The following ZNF28 variants were observed in gnomAD, a reference collection of about 807,000 sequenced individuals.
ZNF28 encodes zinc finger protein 28, also known as zinc finger protein KOX24.
ZNF28 carries 5 observed loss-of-function variants against 7.2 expected under a neutral mutation model. The observed-to-expected ratio is 0.70, with a 90% CI of 0.36 to 1.46. ZNF28 has a LOEUF of 1.46. Ranked by LOEUF, ZNF28 falls within the 40% of genes most tolerant of loss-of-function variation. The pLI is 0.03. For missense variants in ZNF28, 879 were observed against 866.6 expected (o/e 1.01, Z -0.18); for synonymous variants, 288 against 292.4 (o/e 0.99, Z 0.15).
chr19:52,805,972 C>T (rs539702575), intron 3 of ZNF28: 1 of 152,136 alleles, frequency 6.6e-6, no homozygotes, highest in South Asian at 2.1e-4. Context: ...AACAGCAAAA[C>T]TCAGTCTCAT....
chr19:52,813,249 G>GGAAAAAAAAAAA (rs1229458898), intron 2 of ZNF28, among the ~76,000 whole-genome samples: 18 of 62,988 alleles, frequency 2.9e-4, no homozygotes, highest in Admixed American at 7.1e-4. Context: ...CTTGAATGGT[G>GGAAAAAAAAAAA]AAAAAAAAAA....
chr19:52,801,424 C>G lies in ZNF28; in HGVS notation c.421G>C (p.Gly141Arg), dbSNP rs1417354087. The G allele has an allele frequency of 1.2e-6, 2 of 1,614,168 alleles. No homozygotes were observed. Among genetic ancestry groups the G allele is most frequent in the South Asian group, 2.2e-5 (2 of 91,080 alleles). ...AGNKHIKDQL[G>R]LSFHSHLPEL... ...GGCAGATGCGAATGAAAGCTTAATCCAAGCTGATCTTTAATATGCTTGTTT... is the reference window on the plus strand; with the variant it reads ...GGCAGATGCGAATGAAAGCTTAATCGAAGCTGATCTTTAATATGCTTGTTT... The change falls in exon 4 of 4, where the codon GGA becomes CGA. Residue 141 changes from glycine to arginine, a missense_variant. By Grantham distance (125) the Gly-to-Arg change is moderately radical. Coordinates refer to ENST00000457749, the MANE Select transcript of ZNF28 (RefSeq NM_006969.5).
At chr19:52,814,851 C>T (rs1009950361) in intron 2 of ZNF28, among the ~76,000 whole-genome samples, 2 of 146,572 alleles carry the variant, frequency 1.4e-5, no homozygotes, top group South Asian at 2.3e-4. Flanking sequence ...CACACCACTG[C>T]GCTCCAGCCT....
intron 2 of ZNF28, among the ~76,000 whole-genome samples, chr19:52,817,729 C>G (rs796142971): frequency 3.3e-4 from 51 of 152,254 alleles, no homozygotes; most frequent in African/African-American, 1.2e-3. Flanking sequence ...GAGACCTTCC[C>G]AGGACCATGC....
At chr19:52,813,271 A>AAAAAAAAAAAAAAAAAAAAAT (rs1309681672) in intron 2 of ZNF28, among the ~76,000 whole-genome samples, 1 of 147,508 alleles carries the variant, frequency 6.8e-6, no homozygotes, top group Non-Finnish European at 1.5e-5. Context: ...AAAAAAAAAA[A>AAAAAAAAAAAAAAAAAAAAAT]GACATACTGT....
Position 52,799,904 on chromosome 19 carries a change from C to T in ZNF28, c.1941G>A (p.Met647Ile), listed in dbSNP as rs2062839662. The T allele has an allele frequency of 1.2e-6, 2 of 1,613,294 alleles. No homozygotes were observed. The highest frequency in any genetic ancestry group is 2.7e-5 in the African/African-American group (2 of 74,770). The change falls in exon 4 of 4, where the codon ATG (methionine) becomes ATA (isoleucine). Residue 647 changes from methionine (M) to isoleucine (I), a missense_variant. Physicochemically the swap from Met to Ile is conservative, Grantham distance 10. Transcript: ENST00000457749. ...GCCTATGATGGTATACGAGGGATGA[C>T]ATCTGACTGAAGGTCTTGCCACACT... ...CNECGKTFSQ[M>I]SSLVYHHRLH...
In ZNF28 at chr19:52,802,676, C is replaced by CA. The variant is rs1346898434; in HGVS notation, c.143-975dup. ...TGGATGACAGAGTGAGACTCCATCT[C>CA]AAAAAAAGGAAAATGTTAATACCAT... is the stretch of plus-strand genomic sequence containing the variant. On this transcript the variant is annotated intron_variant, in intron 3 of 3. Transcript: ENST00000457749. Among the ~76,000 whole-genome samples the CA allele has an allele frequency of 2.0e-5, 3 of 150,296 alleles. No individual in the cohort carries two copies. In the East Asian group the frequency reaches 5.9e-4, roughly 29 times the overall value.
chr19:52,821,132 G>A lies in ZNF28; in HGVS notation c.-74+454C>T, dbSNP rs187125917. Among the ~76,000 whole-genome samples, 16 of 152,228 alleles carry A rather than the reference G, an allele frequency of 1.1e-4. No homozygotes were observed. The East Asian group carries it at 2.9e-3, about 28-fold the overall frequency. ...AGGGCCCAGCAAGAGGAGGAGGGAGGTGGGGAGCGACGACGCCTTCGGACA... is the reference window on the plus strand; with the variant it reads ...AGGGCCCAGCAAGAGGAGGAGGGAGATGGGGAGCGACGACGCCTTCGGACA... On this transcript the variant is annotated intron_variant, in intron 1 of 3. Coordinates refer to ENST00000457749, the MANE Select transcript of ZNF28 (RefSeq NM_006969.5).
At chr19:52,820,983 G>C (rs12985688) in intron 1 of ZNF28, among the ~76,000 whole-genome samples, 1 of 151,626 alleles carries the variant, frequency 6.6e-6, no homozygotes, top group Non-Finnish European at 1.5e-5. Context: ...TCGGAGAAGC[G>C]CATTTTCCCA....
At chr19:52,814,947 T>C (rs2063102921) in intron 2 of ZNF28, among the ~76,000 whole-genome samples, 2 of 146,002 alleles carry the variant, frequency 1.4e-5, no homozygotes, top group South Asian at 4.6e-4. Flanking sequence ...TTTTTGCATA[T>C]ATATGCCCCA....
chr19:52,809,111 A>AT (rs2062977281), intron 2 of ZNF28, among the ~76,000 whole-genome samples: 1 of 152,214 alleles, frequency 6.6e-6, no homozygotes, highest in Admixed American at 6.5e-5. Context: ...GAGGAATCTC[A>AT]TCTTGCTGGA....
rs561203089 is a variant in ZNF28 at position 52,818,885 on chromosome 19, G to GA, written c.-73-855dup. On this transcript the variant is annotated intron_variant, in intron 1 of 3. Transcript: ENST00000457749. ...GAGGACAGAATGAGAGTCTGTTTGG[G>GA]AAAAAAAAAAAAAAAAAAAGTGCAT... 1.1e-3 allele frequency among the ~76,000 whole-genome samples: 130 copies of GA among 114,310 alleles called. 3 individuals are homozygous for GA. The highest frequency in any genetic ancestry group is 6.4e-3 in the East Asian group (20 of 3,112). The allele number at this position is 114,310 out of a possible 152,430, so 75.0% of individuals were successfully genotyped here. A position where few individuals can be genotyped will look rare whatever the true frequency, so the allele number is the denominator to read the frequency against.
chr19:52,809,757 A>C (rs997168353), intron 2 of ZNF28: 12 of 472,222 alleles, frequency 2.5e-5, no homozygotes, highest in African/African-American at 2.5e-4. Flanking sequence ...GTGAGCTGAG[A>C]TCATGCCACT....
Position 52,800,832 on chromosome 19 carries a change from C to T in ZNF28, c.1013G>A (p.Cys338Tyr). The change falls in exon 4 of 4, where the codon TGT (cysteine) becomes TAT (tyrosine). Residue 338 changes from cysteine to tyrosine, a missense_variant. By Grantham distance (194) the Cys-to-Tyr change is radical (BLOSUM62 -2). This residue lies in a region of ZNF28 where 864 missense variants were observed against 830.2 expected (regional missense o/e 1.04). Transcript: ENST00000457749. ...AGTATGTTTTGCTAGGTATGAATTA[C>T]ATGTGAAAGCTTTGTCACAAACCTT... The part of the protein sequence containing the change: ...KCKVCDKAFT[C>Y]NSYLAKHTII... 1 of 1,613,650 alleles carries T rather than the reference C, an allele frequency of 6.2e-7. No individual in the cohort carries two copies. Among genetic ancestry groups the T allele is most frequent in the South Asian group, 1.1e-5 (1 of 91,032 alleles).
At position 52,817,984 on chromosome 19, in the gene ZNF28, C is replaced by T; in HGVS notation, c.-26G>A. 8 of 1,610,710 alleles carry T rather than the reference C, an allele frequency of 5.0e-6. No individual in the cohort carries two copies. The highest frequency in any genetic ancestry group is 1.1e-5 in the South Asian group (1 of 91,070). On this transcript the variant is annotated 5_prime_UTR_variant, in exon 2 of 4. Coordinates refer to ENST00000457749, the MANE Select transcript of ZNF28 (RefSeq NM_006969.5). Reference sequence around the variant, plus strand: ...CCCTGACTCCTTTGCTTTCCTCTTCCTCTTCTGGGTTTCTTCCTCACGTAC... The same window carrying T: ...CCCTGACTCCTTTGCTTTCCTCTTCTTCTTCTGGGTTTCTTCCTCACGTAC...
chr19:52,818,892 A>G (rs1273575711), intron 1 of ZNF28, among the ~76,000 whole-genome samples: 1 of 135,264 alleles, frequency 7.4e-6, no homozygotes, highest in East Asian at 2.1e-4. Context: ...TGGGAAAAAA[A>G]AAAAAAAAAA....
chr19:52,800,346 C>T lies in ZNF28; in HGVS notation c.1499G>A (p.Cys500Tyr), dbSNP rs770134776. 2 of 1,614,070 alleles carry T rather than the reference C, an allele frequency of 1.2e-6. No homozygotes were observed. Among genetic ancestry groups the T allele is most frequent in the Non-Finnish European group, 1.7e-6 (2 of 1,179,994 alleles). ...TGAATCACTCCGGAAAGCCTTGTCA[C>T]AAACCTTACATTTGTATGGTTTCTC... Reference protein sequence around the residue: ...TGEKPYKCKVCDKAFRSDSCL... With the variant: ...TGEKPYKCKVYDKAFRSDSCL... Residue 500 changes from cysteine (C) to tyrosine (Y), a missense_variant, in exon 4 of 4, where the codon TGT (cysteine) becomes TAT (tyrosine). Physicochemically the swap from Cys to Tyr is radical, Grantham distance 194. Coordinates refer to ENST00000457749, the MANE Select transcript of ZNF28 (RefSeq NM_006969.5).
At chr19:52,809,234 G>C (rs200306738) in intron 2 of ZNF28, among the ~76,000 whole-genome samples, 34 of 152,146 alleles carry the variant, frequency 2.2e-4, no homozygotes, top group Non-Finnish European at 3.8e-4. Context: ...CTGGAGGAAT[G>C]TTCAGATATC....
intron 3 of ZNF28, among the ~76,000 whole-genome samples, chr19:52,804,783 A>G (rs1404043367): frequency 6.6e-6 from 1 of 152,196 alleles, no homozygotes; most frequent in African/African-American, 2.4e-5. Context: ...GGGATTAGAA[A>G]AGTGAGACAT....
Sources: allele counts gnomAD v4.1 joint callset (sites outside exome capture counted in the v4.1 genomes callset), GRCh38; gene constraint gnomAD v4.1.1; regional missense constraint gnomAD v4.1.1; transcripts MANE v1.5; gene names NCBI Gene and HGNC (gene_info 2026-07-23, HGNC 2026-07-21).